The following CLYBL variants were observed in gnomAD, a reference collection of about 807,000 sequenced individuals.
CLYBL encodes the protein citramalyl-CoA lyase, mitochondrial.
A neutral mutation model predicts 38.9 loss-of-function variants in CLYBL; 31 were observed. The observed-to-expected ratio is 0.80, with a 90% CI of 0.60 to 1.08. The LOEUF (loss-of-function observed/expected upper bound fraction) is 1.08, where lower values mean the gene tolerates loss of function less well. CLYBL is among the 50% of genes least tolerant of loss of function. CLYBL has a pLI of 0.00. For missense variants in CLYBL, 434 were observed against 411.6 expected, an observed-to-expected ratio of 1.05 and a Z score of -0.47; for synonymous variants, 171 against 158.6, an observed-to-expected ratio of 1.08 and a Z score of -0.59.
chr13:99,639,726 A>G (rs1295861062), intron 1 of CLYBL, among the ~76,000 whole-genome samples: 2 of 152,108 alleles, frequency 1.3e-5, no homozygotes, highest in Non-Finnish European at 2.9e-5. Flanking sequence ...GACCATATCT[A>G]TACAAAAGAA....
intron 1 of CLYBL, among the ~76,000 whole-genome samples, chr13:99,634,678 T>A (rs1324675655): frequency 6.6e-6 from 1 of 152,210 alleles, no homozygotes; most frequent in African/African-American, 2.4e-5. Flanking sequence ...TTTAAATAAA[T>A]TTTTAAATGT....
chr13:99,821,511 G>T (rs2050588046), intron 2 of CLYBL, among the ~76,000 whole-genome samples: 1 of 152,052 alleles, frequency 6.6e-6, no homozygotes, highest in African/African-American at 2.4e-5. Context: ...TTTGCTGTCT[G>T]TGAAGGGCAT....
At chr13:99,746,117 A>G (rs553614972) in intron 1 of CLYBL, among the ~76,000 whole-genome samples, 183 of 152,148 alleles carry the variant, frequency 1.2e-3, no homozygotes, top group Admixed American at 2.0e-3. Context: ...ATGCTCTTCC[A>G]TGATTACTTT....
chr13:99,633,055 C>G (rs1442557636), intron 1 of CLYBL, among the ~76,000 whole-genome samples: 2 of 151,758 alleles, frequency 1.3e-5, no homozygotes, highest in African/African-American at 4.8e-5. Flanking sequence ...GACTGGCCAA[C>G]ATGGCAAAAC....
At chr13:99,832,863 G>C (rs1308572342) in intron 2 of CLYBL, among the ~76,000 whole-genome samples, 2 of 147,718 alleles carry the variant, frequency 1.4e-5, no homozygotes, top group African/African-American at 5.0e-5. Flanking sequence ...GAAAAGGAGG[G>C]GAGAGAAGGA....
intron 1 of CLYBL, among the ~76,000 whole-genome samples, chr13:99,717,337 A>C (rs538062748): frequency 1.3e-4 from 19 of 148,572 alleles, no homozygotes; most frequent in African/African-American, 4.7e-4. Flanking sequence ...GAGGCAGGAG[A>C]ATTGCTAGAA....
intron 1 of CLYBL, among the ~76,000 whole-genome samples, chr13:99,753,780 T>TA (rs2049000169): frequency 6.6e-6 from 1 of 152,102 alleles, no homozygotes; most frequent in South Asian, 2.1e-4. Flanking sequence ...GACTGCTACT[T>TA]ATATGACTCA....
intron 1 of CLYBL, among the ~76,000 whole-genome samples, chr13:99,614,144 G>A (rs2046671390): frequency 6.6e-6 from 1 of 152,156 alleles, no homozygotes; most frequent in African/African-American, 2.4e-5. Context: ...GCAGGATACA[G>A]AGCCCAGAAG....
rs748394532 is a variant in CLYBL, at chr13:99,865,146, C to T, written c.634+235C>T. Reference sequence around the variant, plus strand: ...TACTTCTGTTCATTTATAAAAGACACGAGCAATAGAAAGCCTGTTGCAGCC... The same window carrying T: ...TACTTCTGTTCATTTATAAAAGACATGAGCAATAGAAAGCCTGTTGCAGCC... On this transcript the variant is annotated intron_variant, in intron 5 of 8. Transcript: ENST00000339105. The surrounding 1 kb of genome is among the most constrained non-coding windows in gnomAD (Gnocchi z 4.7). The T allele has an allele frequency of 7.8e-6, 4 of 510,930 alleles. No homozygotes were observed. Among genetic ancestry groups the T allele is most frequent in the Admixed American group, 2.5e-5 (1 of 39,514 alleles). 31.6% of individuals were successfully genotyped at this position (510,930 alleles called of 1,614,324 possible).
intron 2 of CLYBL, among the ~76,000 whole-genome samples, chr13:99,835,618 C>T (rs555217306): frequency 4.6e-5 from 7 of 152,326 alleles, no homozygotes; most frequent in Non-Finnish European, 8.8e-5. Context: ...CTGTCTCTGC[C>T]ACACCCCTGT....
At chr13:99,626,382 G>T (rs1002250730) in intron 1 of CLYBL, among the ~76,000 whole-genome samples, 27 of 152,226 alleles carry the variant, frequency 1.8e-4, no homozygotes, top group South Asian at 8.3e-4. Context: ...GCCAGCCCAG[G>T]ACTGACTTCA....
chr13:99,731,247 C>G (rs374901132), intron 1 of CLYBL, among the ~76,000 whole-genome samples: 3 of 151,686 alleles, frequency 2.0e-5, no homozygotes, highest in African/African-American at 7.3e-5. Flanking sequence ...AGTAGCAAAG[C>G]CTTCTTTAAA....
At chr13:99,698,491 T>C (rs2048013314) in intron 1 of CLYBL, among the ~76,000 whole-genome samples, 2 of 152,184 alleles carry the variant, frequency 1.3e-5, no homozygotes, top group South Asian at 2.1e-4. Flanking sequence ...GATTTGGGAA[T>C]AAAATGTCAT....
chr13:99,879,679 C>G (rs1403066660), intron 7 of CLYBL, among the ~76,000 whole-genome samples: 1 of 152,224 alleles, frequency 6.6e-6, no homozygotes, highest in East Asian at 1.9e-4. Flanking sequence ...AGGCATGAGC[C>G]TGTTTCTATT....
chr13:99,900,302 A>C (rs1387476843), downstream of CLYBL, among the ~76,000 whole-genome samples: 1 of 152,126 alleles, frequency 6.6e-6, no homozygotes, highest in African/African-American at 2.4e-5. Context: ...GACATACCAG[A>C]AAGGGCGGCA....
At chr13:99,718,389 AC>A (rs1000160625) in intron 1 of CLYBL, among the ~76,000 whole-genome samples, 1 of 150,968 alleles carries the variant, frequency 6.6e-6, no homozygotes, top group Non-Finnish European at 1.5e-5. Flanking sequence ...AAAAAAAAAA[AC>A]CTAGAGAGGG....
intron 1 of CLYBL, among the ~76,000 whole-genome samples, chr13:99,665,210 T>C (rs1425193682): frequency 6.6e-6 from 1 of 151,974 alleles, no homozygotes; most frequent in Non-Finnish European, 1.5e-5. Context: ...AGAACTGTAT[T>C]ATTGGGCACA....
At position 99,678,868 on chromosome 13, in the gene CLYBL, T is replaced by C. The variant is rs1017159785; in HGVS notation, c.62+72111T>C. Among the ~76,000 whole-genome samples, 50 of 152,316 alleles carry C rather than the reference T, an allele frequency of 3.3e-4. 1 individual carries two copies. Among genetic ancestry groups the C allele is most frequent in the Admixed American group, 9.2e-4 (14 of 15,294 alleles). ...AAAAAAAATTCCAGAAAGTACAGGA[T>C]AATTCTATTAGCATTTATTCACTGA... On this transcript the variant is annotated intron_variant, in intron 1 of 8. Coordinates refer to ENST00000339105, the MANE Select transcript of CLYBL (RefSeq NM_206808.5).
chr13:99,867,940 C>G (rs2051789871), intron 6 of CLYBL, among the ~76,000 whole-genome samples: 1 of 152,164 alleles, frequency 6.6e-6, no homozygotes, highest in African/African-American at 2.4e-5. Flanking sequence ...CTCCAAGATA[C>G]AGGACTGAAT....
Sources: gnomAD v4.1 joint callset for allele counts (sites outside exome capture counted in the v4.1 genomes callset) on GRCh38, gnomAD v4.1.1 for gene constraint, Gnocchi (gnomAD v3.1) non-coding constraint, MANE v1.5 for transcripts, NCBI Gene and HGNC (gene_info 2026-07-23, HGNC 2026-07-21) for gene names.